ADGB: variants seen among roughly 807,000 people sequenced by gnomAD.
ADGB encodes calpain-7-like protein.
A neutral mutation model predicts 210.5 loss-of-function variants in ADGB; 172 were observed. The observed-to-expected ratio is 0.82, with a 90% CI of 0.72 to 0.93. The LOEUF (loss-of-function observed/expected upper bound fraction) is 0.93. ADGB is among the 40% of genes least tolerant of loss of function. The probability of loss-of-function intolerance (pLI) is 0.00; values close to 1 mark genes in which losing one functional copy is unlikely to be tolerated. For missense variants in ADGB, 2,025 were observed against 1,964.8 expected, an observed-to-expected ratio of 1.03 and a Z score of -0.58; for synonymous variants, 658 against 662.7, an observed-to-expected ratio of 0.99 and a Z score of 0.11.
At chr6:146,616,716 C>T (rs2114835995) in intron 1 of ADGB, among the ~76,000 whole-genome samples, 1 of 152,086 alleles carries the variant, frequency 6.6e-6, no homozygotes, top group South Asian at 2.1e-4. Flanking sequence ...TTTTTGGTGC[C>T]TTTGTCAAAA....
chr6:146,781,175 A>AAG (rs1468036408), intron 29 of ADGB, among the ~76,000 whole-genome samples: 36 of 128,600 alleles, frequency 2.8e-4, no homozygotes, highest in Middle Eastern at 3.5e-3. Flanking sequence ...AAAATACAAA[A>AAG]AAAAAAAAAA....
Position 146,695,023 on chromosome 6 carries a change from T to C in ADGB, c.1577+2108T>C, listed in dbSNP as rs949081881. ...TATATTAAATAATGTCTTTCCTTCT[T>C]AAGTAGAGCATACTCAAAGCCTTCC... On this transcript the variant is annotated intron_variant, in intron 12 of 35. Transcript: ENST00000397944. Among the ~76,000 whole-genome samples, 9 of 152,178 alleles carry C rather than the reference T, an allele frequency of 5.9e-5. No homozygotes were observed. In the East Asian group the frequency reaches 1.7e-3, roughly 29 times the overall value.
intron 22 of ADGB, among the ~76,000 whole-genome samples, chr6:146,734,524 G>A (rs1469673689): frequency 6.6e-6 from 1 of 152,196 alleles, no homozygotes; most frequent in Non-Finnish European, 1.5e-5. Flanking sequence ...CATCTAGAAG[G>A]CATAAAATGC....
chr6:146,635,625 C>A, intron 2 of ADGB, 88 bp downstream of exon 2: 1 of 1,326,200 alleles, frequency 7.5e-7, no homozygotes, highest in Admixed American at 3.1e-5. Context: ...GGTATTCATT[C>A]TTCTCCATAA....
intron 20 of ADGB, among the ~76,000 whole-genome samples, chr6:146,729,722 G>A (rs1776950763): frequency 6.6e-6 from 1 of 152,158 alleles, no homozygotes; most frequent in South Asian, 2.1e-4. Flanking sequence ...GGGGTTAGAG[G>A]CATCAGCATT....
Position 146,666,876 on chromosome 6 carries a change from A to T in ADGB, c.813A>T (p.Gly271=). 3 of 1,546,440 alleles carry T rather than the reference A, an allele frequency of 1.9e-6. No individual in the cohort carries two copies. The highest frequency in any genetic ancestry group is 2.6e-6 in the Non-Finnish European group (3 of 1,142,960). ...TCACGGTTATTCATGCGCTCACAGG[A>T]TGGTTACCAGAAGTCATTTCTCTTC... The part of the protein sequence containing the change: ...GEFTVIHALT[G]WLPEVISLHP... The change falls in exon 7 of 36, where the codon GGA becomes GGT. Residue 271 remains glycine, a synonymous_variant. Coordinates refer to ENST00000397944, the MANE Select transcript of ADGB (RefSeq NM_024694.4).
At chr6:146,625,150 C>T (rs538632636) in intron 1 of ADGB, among the ~76,000 whole-genome samples, 29 of 152,098 alleles carry the variant, frequency 1.9e-4, no homozygotes, top group African/African-American at 6.5e-4. Flanking sequence ...ATTCTATCAA[C>T]TATTAAGAAA....
intron 25 of ADGB, among the ~76,000 whole-genome samples, chr6:146,743,719 G>A (rs1407618558): frequency 6.6e-6 from 1 of 152,172 alleles, no homozygotes; most frequent in Non-Finnish European, 1.5e-5. Flanking sequence ...ATCGAGACCA[G>A]CCTGGCCAAC....
intron 23 of ADGB, among the ~76,000 whole-genome samples, chr6:146,738,438 C>CTTTTTTTTTTTTTTT (rs71031008): frequency 5.6e-5 from 4 of 71,332 alleles, no homozygotes; most frequent in African/African-American, 2.0e-4. Context: ...CCCATTTCAT[C>CTTTTTTTTTTTTTTT]TTTTTTTTTT....
At chr6:146,703,333 G>A (rs545733260) in intron 13 of ADGB, among the ~76,000 whole-genome samples, 184 of 151,716 alleles carry the variant, frequency 1.2e-3, no homozygotes, top group African/African-American at 4.3e-3. Context: ...TAACTAAATT[G>A]AGCTGATTAA....
In ADGB at chr6:146,635,499, G is replaced by T; in HGVS notation, c.199G>T (p.Ala67Ser). ...NSEKWDAGKG[A>S]KEKDKTGKSP... ...AGAAAAGTGGGATGCAGGCAAAGGTGCAAAAGAAAAGGACAAAACAGGAAA... is the reference window on the plus strand; with the variant it reads ...AGAAAAGTGGGATGCAGGCAAAGGTTCAAAAGAAAAGGACAAAACAGGAAA... The change falls in exon 2 of 36, where the codon GCA becomes TCA. Residue 67 changes from alanine to serine, a missense_variant. Physicochemically the swap from Ala to Ser is moderately conservative, Grantham distance 99 (BLOSUM62 1). Transcript: ENST00000397944. 2 of 1,547,516 alleles carry T rather than the reference G, an allele frequency of 1.3e-6. No homozygotes were observed. Among genetic ancestry groups the T allele is most frequent in the Non-Finnish European group, 1.7e-6 (2 of 1,144,768 alleles).
chr6:146,612,982 CCAA>C, intron 1 of ADGB, among the ~76,000 whole-genome samples: 1 of 152,312 alleles, frequency 6.6e-6, no homozygotes, highest in East Asian at 1.9e-4. Context: ...AGCCATAAAA[CCAA>C]CATTTACTTT....
At chr6:146,602,671 C>T (rs73014728) in intron 1 of ADGB, among the ~76,000 whole-genome samples, 5,571 of 152,228 alleles carry the variant, frequency 0.037, 118 homozygotes, top group Admixed American at 0.059. Flanking sequence ...GGTCCCCACC[C>T]GCTGGGGCTG....
chr6:146,779,330 C>T (rs532841540), intron 29 of ADGB, among the ~76,000 whole-genome samples: 1 of 152,300 alleles, frequency 6.6e-6, no homozygotes, highest in East Asian at 1.9e-4. Context: ...ACTTGTGGGA[C>T]ACCATCACAC....
At chr6:146,685,218 C>A (rs1211396339) in intron 9 of ADGB, among the ~76,000 whole-genome samples, 3 of 152,036 alleles carry the variant, frequency 2.0e-5, no homozygotes, top group African/African-American at 7.2e-5. Context: ...AAAGCAAATT[C>A]TACCAGCATT....
At chr6:146,745,396 C>T (rs1777213834) in intron 25 of ADGB, among the ~76,000 whole-genome samples, 1 of 152,212 alleles carries the variant, frequency 6.6e-6, no homozygotes, top group Admixed American at 6.5e-5. Context: ...TGCTCCTTTT[C>T]TGCAATCTAA....
chr6:146,718,346 CAA>C (rs34547633), intron 16 of ADGB, among the ~76,000 whole-genome samples: 4,878 of 80,204 alleles, frequency 0.061, 268 homozygotes, highest in African/African-American at 0.21. Context: ...GATTCCATCT[CAA>C]AAAAAAAAAA....
chr6:146,765,964 T>C (rs995641380), intron 28 of ADGB, among the ~76,000 whole-genome samples: 1 of 152,082 alleles, frequency 6.6e-6, no homozygotes, highest in African/African-American at 2.4e-5. Flanking sequence ...AAAATACACG[T>C]ACTTCTAGTA....
In ADGB at chr6:146,715,375, T is replaced by C; in HGVS notation, c.1708-7T>C. Reference sequence around the variant, plus strand: ...TGGATTCAAAGTGTGTTTCTTTTAATTCATAGGGAAATACTGCTTCACAAG... The same window carrying C: ...TGGATTCAAAGTGTGTTTCTTTTAACTCATAGGGAAATACTGCTTCACAAG... On this transcript the variant is annotated splice_region_variant and splice_polypyrimidine_tract_variant and intron_variant, in intron 13 of 35. Coordinates refer to ENST00000397944, the MANE Select transcript of ADGB (RefSeq NM_024694.4). The C allele has an allele frequency of 6.6e-7, 1 of 1,506,828 alleles. No individual in the cohort carries two copies. The highest frequency in any genetic ancestry group is 1.3e-5 in the South Asian group (1 of 78,244). The allele number at this position is 1,506,828 out of a possible 1,614,324, so 93.3% of individuals were successfully genotyped here. A position where few individuals can be genotyped will look rare whatever the true frequency, so the allele number is the denominator to read the frequency against.
Sources: allele counts gnomAD v4.1 joint callset (sites outside exome capture counted in the v4.1 genomes callset), GRCh38; gene constraint gnomAD v4.1.1; transcripts MANE v1.5; gene names NCBI Gene and HGNC (gene_info 2026-07-23, HGNC 2026-07-21).